The following ZMAT4 variants were observed in gnomAD, a reference collection of about 807,000 sequenced individuals.
ZMAT4 encodes zinc finger matrin-type protein 4.
In ZMAT4, 17 loss-of-function variants were observed where a neutral mutation model predicts 28.7. The ratio of observed to expected loss-of-function variants is 0.59; its 90% CI spans 0.41 to 0.89. ZMAT4 has a LOEUF of 0.89. Ranked by LOEUF, ZMAT4 falls within the 40% of genes least tolerant of loss-of-function variation. The pLI, the probability that ZMAT4 is intolerant of heterozygous loss-of-function variation, is 0.00. For synonymous variants in ZMAT4, 117 were observed against 109.2 expected, an observed-to-expected ratio of 1.07 and a Z score of -0.44; for missense variants, 240 against 283.8, an observed-to-expected ratio of 0.85 and a Z score of 1.11.
At chr8:40,609,563 C>T (rs1033365308) in intron 5 of ZMAT4, among the ~76,000 whole-genome samples, 3 of 152,314 alleles carry the variant, frequency 2.0e-5, no homozygotes, top group Admixed American at 2.0e-4. Flanking sequence ...CTTGTCAAAC[C>T]CACAGTTAGG....
intron 5 of ZMAT4, among the ~76,000 whole-genome samples, chr8:40,610,682 T>C (rs1030978350): frequency 6.6e-6 from 1 of 152,044 alleles, no homozygotes; most frequent in Non-Finnish European, 1.5e-5. Flanking sequence ...GGGTTTCACA[T>C]AGAAATAGGC....
At chr8:40,534,519 C>T (rs1417008115) in intron 6 of ZMAT4, among the ~76,000 whole-genome samples, 1 of 152,150 alleles carries the variant, frequency 6.6e-6, no homozygotes, top group African/African-American at 2.4e-5. Flanking sequence ...AGTCTTTGTT[C>T]TCTGACAGCC....
At chr8:40,869,959 C>G (rs1817796439) in intron 1 of ZMAT4, among the ~76,000 whole-genome samples, 1 of 152,164 alleles carries the variant, frequency 6.6e-6, no homozygotes, top group Non-Finnish European at 1.5e-5. Context: ...CATGTTGGGG[C>G]TCAGGACACA....
At chr8:40,776,181 A>C (rs1813586870) in intron 2 of ZMAT4, among the ~76,000 whole-genome samples, 1 of 152,226 alleles carries the variant, frequency 6.6e-6, no homozygotes, top group Admixed American at 6.5e-5. Context: ...TCTACACAGC[A>C]ATCCGTTCAA....
chr8:40,593,102 C>A (rs75687118), intron 5 of ZMAT4, among the ~76,000 whole-genome samples: 3 of 152,060 alleles, frequency 2.0e-5, no homozygotes, highest in Non-Finnish European at 2.9e-5. Context: ...TTCATAGATA[C>A]GAAATGTGTT....
At chr8:40,893,729 G>A (rs112733286) in intron 1 of ZMAT4, among the ~76,000 whole-genome samples, 10 of 152,114 alleles carry the variant, frequency 6.6e-5, no homozygotes, top group African/African-American at 2.4e-5. Context: ...TAAATTACAC[G>A]TGGCAGGGGT....
At chr8:40,846,770 G>C (rs1279118896) in intron 1 of ZMAT4, among the ~76,000 whole-genome samples, 1 of 152,210 alleles carries the variant, frequency 6.6e-6, no homozygotes, top group Non-Finnish European at 1.5e-5. Context: ...ACCTCTCAGA[G>C]AGAGCTGCTA....
At chr8:40,570,452 A>G (rs947571744) in intron 6 of ZMAT4, among the ~76,000 whole-genome samples, 1 of 152,162 alleles carries the variant, frequency 6.6e-6, no homozygotes, top group Non-Finnish European at 1.5e-5. Context: ...TAATTCCAGC[A>G]CTGTGGGAGG....
intron 3 of ZMAT4, among the ~76,000 whole-genome samples, chr8:40,766,715 T>A (rs1813174001): frequency 6.6e-6 from 1 of 152,242 alleles, no homozygotes; most frequent in Admixed American, 6.5e-5. Flanking sequence ...GCTCACAACC[T>A]CTGCTCATAG....
chr8:40,593,838 G>A (rs147561720), intron 5 of ZMAT4, among the ~76,000 whole-genome samples: 8 of 152,130 alleles, frequency 5.3e-5, no homozygotes, highest in African/African-American at 1.2e-4. Flanking sequence ...TCTAATCTTC[G>A]GTGTCCTTCT....
intron 1 of ZMAT4, among the ~76,000 whole-genome samples, chr8:40,868,637 A>C (rs1817753035): frequency 6.6e-6 from 1 of 152,208 alleles, no homozygotes; most frequent in African/African-American, 2.4e-5. Context: ...AAGAGGGTCC[A>C]AGGTCACCTG....
intron 3 of ZMAT4, among the ~76,000 whole-genome samples, chr8:40,702,174 G>A (rs539267767): frequency 1.3e-5 from 2 of 152,248 alleles, no homozygotes; most frequent in South Asian, 4.1e-4. Flanking sequence ...AGAACCATGA[G>A]CTGAATACAT....
chr8:40,570,528 G>A (rs770871375), intron 6 of ZMAT4, among the ~76,000 whole-genome samples: 14 of 151,958 alleles, frequency 9.2e-5, no homozygotes, highest in Non-Finnish European at 1.6e-4. Flanking sequence ...GCAAAACCCC[G>A]TCTCTACTAA....
intron 5 of ZMAT4, among the ~76,000 whole-genome samples, chr8:40,643,217 CT>C (rs1435485969): frequency 6.6e-6 from 1 of 152,096 alleles, no homozygotes; most frequent in African/African-American, 2.4e-5. Context: ...TTTCATCTGC[CT>C]TTTGTTTCCA....
At chr8:40,619,582 C>T (rs1458558697) in intron 5 of ZMAT4, among the ~76,000 whole-genome samples, 1 of 152,154 alleles carries the variant, frequency 6.6e-6, no homozygotes, top group African/African-American at 2.4e-5. Context: ...GCGGCAGAAC[C>T]TGATTCTCTG....
At chr8:40,750,287 T>G (rs1408228941) in intron 3 of ZMAT4, among the ~76,000 whole-genome samples, 1 of 152,182 alleles carries the variant, frequency 6.6e-6, no homozygotes, top group East Asian at 1.9e-4. Flanking sequence ...GGAAACAGAC[T>G]TCTTCGTTCT....
intron 6 of ZMAT4, among the ~76,000 whole-genome samples, chr8:40,553,108 T>C (rs1225103504): frequency 6.6e-6 from 1 of 152,136 alleles, no homozygotes; most frequent in Non-Finnish European, 1.5e-5. Flanking sequence ...CCTTATTCTT[T>C]CTCTTGGACT....
chr8:40,775,464 G>A (rs1470604547), intron 2 of ZMAT4, among the ~76,000 whole-genome samples: 2 of 152,184 alleles, frequency 1.3e-5, no homozygotes, highest in Non-Finnish European at 2.9e-5. Context: ...TGCAGTTGAA[G>A]CATAAGCTCT....
chr8:40,584,056 T>C (rs1230833998), intron 5 of ZMAT4, among the ~76,000 whole-genome samples: 3 of 152,214 alleles, frequency 2.0e-5, no homozygotes, highest in Non-Finnish European at 2.9e-5. Context: ...GTAGCTATCA[T>C]ATTTAGGAAG....
Sources: gnomAD v4.1 joint callset for allele counts (sites outside exome capture counted in the v4.1 genomes callset) on GRCh38, gnomAD v4.1.1 for gene constraint, MANE v1.5 for transcripts, NCBI Gene and HGNC (gene_info 2026-07-23, HGNC 2026-07-21) for gene names.